PTGER4: variants seen among roughly 807,000 people sequenced by gnomAD.
PTGER4 encodes prostaglandin E receptor 4.
In PTGER4, 11 loss-of-function variants were observed where a neutral mutation model predicts 33.2. The observed-to-expected ratio is 0.33, with a 90% CI of 0.21 to 0.55. The LOEUF is 0.55. Among genes scored for constraint, PTGER4 ranks in the 20% least tolerant of loss-of-function variants. The pLI is 0.92. For synonymous variants in PTGER4, 275 were observed against 281.5 expected (o/e 0.98, Z 0.23); for missense variants, 481 against 650.2 (o/e 0.74, Z 2.83).
At chr5:40,685,928 G>A (rs1276736278) in intron 2 of PTGER4, among the ~76,000 whole-genome samples, 1 of 151,972 alleles carries the variant, frequency 6.6e-6, no homozygotes, top group Non-Finnish European at 1.5e-5. Flanking sequence ...CAATGTGAGA[G>A]CTTTAAAAAC....
chr5:40,712,694 A>T, the PTGER4 span, among the ~76,000 whole-genome samples: 2 of 152,156 alleles, frequency 1.3e-5, no homozygotes, highest in Non-Finnish European at 2.9e-5. Context: ...AAAGGGAAAA[A>T]AGAGGCTAGC....
At chr5:40,690,806 C>T (rs1741448966) in intron 2 of PTGER4, among the ~76,000 whole-genome samples, 2 of 152,112 alleles carry the variant, frequency 1.3e-5, no homozygotes, top group Non-Finnish European at 2.9e-5. Context: ...AAAAAAGTTA[C>T]TTCATTAGAA....
At chr5:40,744,116 G>T in the PTGER4 span, among the ~76,000 whole-genome samples, 1 of 152,184 alleles carries the variant, frequency 6.6e-6, no homozygotes, top group African/African-American at 2.4e-5. Flanking sequence ...ATGTTTTATG[G>T]ATGTACTCAA....
chr5:40,681,527 G>A lies in PTGER4; in HGVS notation c.534G>A (p.Val178=), dbSNP rs1030238785. Residue 178 remains valine, a synonymous_variant, in exon 2 of 3, where the codon GTG becomes GTA. Transcript: ENST00000302472. This position sits in a 1 kb window ranked among gnomAD's most constrained non-coding sequence, Gnocchi z 9.8. ...GCTTCATCGACTGGACCACCAACGT[G>A]ACGGCGCACGCCGCCTACTCCTACA... is the stretch of plus-strand genomic sequence containing the variant. ...TWCFIDWTTN[V]TAHAAYSYMY... The A allele has an allele frequency of 1.2e-6, 2 of 1,612,864 alleles. No homozygotes were observed. Among genetic ancestry groups the A allele is most frequent in the Non-Finnish European group, 1.7e-6 (2 of 1,180,036 alleles).
the PTGER4 span, among the ~76,000 whole-genome samples, chr5:40,729,451 T>C: frequency 1.3e-5 from 2 of 152,240 alleles, no homozygotes; most frequent in African/African-American, 2.4e-5. Flanking sequence ...CTTTACAGAC[T>C]TTCCTACAAA....
At chr5:40,720,867 A>T in the PTGER4 span, among the ~76,000 whole-genome samples, 2 of 152,214 alleles carry the variant, frequency 1.3e-5, no homozygotes, top group Admixed American at 6.5e-5. Flanking sequence ...GAAAGAATGA[A>T]TTGGTCTGAG....
At chr5:40,729,691 T>C in the PTGER4 span, among the ~76,000 whole-genome samples, 1 of 152,114 alleles carries the variant, frequency 6.6e-6, no homozygotes, top group Non-Finnish European at 1.5e-5. Context: ...TTTTTATTTA[T>C]TTTTTATTTA....
rs573767948 is a variant in PTGER4 at position 40,691,513 on chromosome 5, G to A, written c.868-266G>A. 3.3e-5 allele frequency among the ~76,000 whole-genome samples: 5 copies of A among 151,506 alleles called. No individual in the cohort carries two copies. The highest frequency in any genetic ancestry group is 1.2e-4 in the African/African-American group (5 of 41,272). ...GTATTTTTAGTAGAGATGGGGTTTC[G>A]CCATGTTGGACAAGTTGGTCTCGGA... is the stretch of plus-strand genomic sequence containing the variant. On this transcript the variant is annotated intron_variant, in intron 2 of 2. Transcript: ENST00000302472. This position sits in a 1 kb window ranked among gnomAD's most constrained non-coding sequence, Gnocchi z 4.2.
intron 2 of PTGER4, among the ~76,000 whole-genome samples, chr5:40,689,769 T>C (rs1429353279): frequency 6.6e-6 from 1 of 152,210 alleles, no homozygotes; most frequent in Non-Finnish European, 1.5e-5. Flanking sequence ...TGTTAGTTCT[T>C]TCTCCTTTTT....
chr5:40,743,263 G>A, the PTGER4 span, among the ~76,000 whole-genome samples: 3 of 152,164 alleles, frequency 2.0e-5, no homozygotes, highest in African/African-American at 7.2e-5. Flanking sequence ...ACAGGCAGCA[G>A]AAAACCAGAG....
chr5:40,681,457 A>G lies in PTGER4; in HGVS notation c.464A>G (p.Asn155Ser). The G allele has an allele frequency of 1.2e-6, 2 of 1,613,460 alleles. No individual in the cohort carries two copies. The highest frequency in any genetic ancestry group is 1.7e-6 in the Non-Finnish European group (2 of 1,179,936). ...AACGTGCTCTTTTGCGCGCTGCCCA[A>G]CATGGGTCTCGGTAGCTCGCGGCTG... ...ASNVLFCALPNMGLGSSRLQY... is the reference protein window; with the variant it reads ...ASNVLFCALPSMGLGSSRLQY... The change falls in exon 2 of 3, where the codon AAC (asparagine) becomes AGC (serine). Residue 155 changes from asparagine to serine, a missense_variant. Asn to Ser is a conservative substitution (Grantham distance 46). This residue lies in a region of PTGER4 where 43 missense variants were observed against 39.4 expected (regional missense o/e 1.09). Transcript: ENST00000302472. The surrounding 1 kb of genome is among the most constrained non-coding windows in gnomAD (Gnocchi z 9.8).
chr5:40,690,377 TC>T (rs1203416962), intron 2 of PTGER4, among the ~76,000 whole-genome samples: 1 of 152,168 alleles, frequency 6.6e-6, no homozygotes, highest in African/African-American at 2.4e-5. Context: ...AAATGCATTT[TC>T]CCCTAAGGAT....
At chr5:40,705,225 A>C in the PTGER4 span, among the ~76,000 whole-genome samples, 3 of 152,330 alleles carry the variant, frequency 2.0e-5, no homozygotes, top group South Asian at 4.1e-4. Flanking sequence ...GCAATGGGGA[A>C]AAGACTTCAT....
At chr5:40,739,888 AT>A in the PTGER4 span, among the ~76,000 whole-genome samples, 2 of 151,972 alleles carry the variant, frequency 1.3e-5, no homozygotes, top group African/African-American at 4.8e-5. Context: ...GTTTTGCTGA[AT>A]TTTTTTCCTA....
At position 40,681,541 on chromosome 5, in the gene PTGER4, C is replaced by T. The variant is rs12656588; in HGVS notation, c.548C>T (p.Ala183Val). ...ACCACCAACGTGACGGCGCACGCCGCCTACTCCTACATGTACGCGGGCTTC... is the reference window on the plus strand; with the variant it reads ...ACCACCAACGTGACGGCGCACGCCGTCTACTCCTACATGTACGCGGGCTTC... ...DWTTNVTAHA[A>V]YSYMYAGFSS... Residue 183 changes from alanine to valine, a missense_variant, in exon 2 of 3, where the codon GCC becomes GTC. Coordinates refer to ENST00000302472, the MANE Select transcript of PTGER4 (RefSeq NM_000958.3). The surrounding 1 kb of genome is among the most constrained non-coding windows in gnomAD (Gnocchi z 9.8). 3.1e-5 allele frequency: 50 copies of T among 1,612,380 alleles called. No homozygotes were observed. Among genetic ancestry groups the T allele is most frequent in the Admixed American group, 1.5e-4 (9 of 60,010 alleles).
In PTGER4 at chr5:40,681,027, T is replaced by C; in HGVS notation, c.34T>C (p.Leu12=). The C allele has an allele frequency of 6.2e-7, 1 of 1,613,836 alleles. No homozygotes were observed. Among genetic ancestry groups the C allele is most frequent in the Non-Finnish European group, 8.5e-7 (1 of 1,179,918 alleles). Residue 12 remains leucine (L), a synonymous_variant, in exon 2 of 3, where the codon TTG becomes CTG. Coordinates refer to ENST00000302472, the MANE Select transcript of PTGER4 (RefSeq NM_000958.3). The surrounding 1 kb of genome is among the most constrained non-coding windows in gnomAD (Gnocchi z 9.8). ...STPGVNSSAS[L]SPDRLNSPVT... is the part of the protein sequence containing the mutation. ...TCCCGGGGTCAATTCGTCCGCCTCC[T>C]TGAGCCCCGACCGGCTGAACAGCCC...
rs762013338 is a variant in PTGER4, at chr5:40,681,629, C to T, written c.636C>T (p.Arg212=). The T allele has an allele frequency of 9.4e-6, 15 of 1,603,568 alleles. No homozygotes were observed. Among genetic ancestry groups the T allele is most frequent in the Admixed American group, 1.7e-5 (1 of 59,850 alleles). ...CNVLVCGALL[R]MHRQFMRRTS... ...TGCTTGTGTGCGGCGCGCTGCTCCG[C>T]ATGCACCGCCAGTTCATGCGCCGCA... The change falls in exon 2 of 3, where the codon CGC becomes CGT. Residue 212 remains arginine, a synonymous_variant. Coordinates refer to ENST00000302472, the MANE Select transcript of PTGER4 (RefSeq NM_000958.3). This position sits in a 1 kb window ranked among gnomAD's most constrained non-coding sequence, Gnocchi z 9.8.
rs754280615 is a variant in PTGER4 at position 40,681,659 on chromosome 5, G to T, written c.666G>T (p.Ser222=). The T allele has an allele frequency of 3.8e-6, 6 of 1,591,652 alleles. No individual in the cohort carries two copies. Among genetic ancestry groups the T allele is most frequent in the East Asian group, 2.3e-5 (1 of 43,866 alleles). The change falls in exon 2 of 3, where the codon TCG becomes TCT. Residue 222 remains serine, a synonymous_variant. Coordinates refer to ENST00000302472, the MANE Select transcript of PTGER4 (RefSeq NM_000958.3). This position sits in a 1 kb window ranked among gnomAD's most constrained non-coding sequence, Gnocchi z 9.8. ...RMHRQFMRRT[S]LGTEQHHAAA... ...ACCGCCAGTTCATGCGCCGCACCTC[G>T]CTGGGCACCGAGCAGCACCACGCGG...
the PTGER4 span, among the ~76,000 whole-genome samples, chr5:40,729,855 C>T: frequency 1.2e-4 from 18 of 152,098 alleles, no homozygotes; most frequent in African/African-American, 3.9e-4. Flanking sequence ...TGTGCCACCA[C>T]GCCCAGCTAA....
Sources: gnomAD v4.1 joint callset for allele counts (sites outside exome capture counted in the v4.1 genomes callset) on GRCh38, gnomAD v4.1.1 for gene constraint, gnomAD v4.1.1 regional missense constraint, Gnocchi (gnomAD v3.1) non-coding constraint, MANE v1.5 for transcripts, NCBI Gene and HGNC (gene_info 2026-07-23, HGNC 2026-07-21) for gene names.